The following ARHGAP24 variants were observed in gnomAD, a reference collection of about 807,000 sequenced individuals.
The protein encoded by ARHGAP24 is Rho GTPase activating protein 24.
ARHGAP24 carries 50 observed loss-of-function variants against 76.4 expected under a neutral mutation model. That is an observed-to-expected ratio of 0.65 (90% confidence interval 0.52 to 0.83). The LOEUF (loss-of-function observed/expected upper bound fraction) is 0.83. ARHGAP24 is among the 40% of genes least tolerant of loss of function. ARHGAP24 has a pLI of 0.00. For synonymous variants in ARHGAP24, 345 were observed against 323.3 expected, an observed-to-expected ratio of 1.07 and a Z score of -0.72; for missense variants, 930 against 914.2, an observed-to-expected ratio of 1.02 and a Z score of -0.22.
At chr4:85,797,672 C>T (rs1478818511) in intron 3 of ARHGAP24, among the ~76,000 whole-genome samples, 3 of 152,186 alleles carry the variant, frequency 2.0e-5, no homozygotes, top group Non-Finnish European at 4.4e-5. Flanking sequence ...AAGAATTCAG[C>T]AGAACAAAAT....
intron 3 of ARHGAP24, among the ~76,000 whole-genome samples, chr4:85,880,695 AT>A (rs1023964205): frequency 3.9e-5 from 6 of 152,016 alleles, no homozygotes; most frequent in African/African-American, 1.2e-4. Context: ...CGCCCGGCTA[AT>A]TTTTTGTATT....
intron 3 of ARHGAP24, among the ~76,000 whole-genome samples, chr4:85,783,267 G>A (rs1727647568): frequency 2.6e-5 from 4 of 151,816 alleles, no homozygotes; most frequent in Admixed American, 2.6e-4. Context: ...AGAACACTTT[G>A]AAAAAAAATT....
At chr4:85,561,140 G>C (rs778153496) in intron 1 of ARHGAP24, among the ~76,000 whole-genome samples, 3 of 152,204 alleles carry the variant, frequency 2.0e-5, no homozygotes, top group Non-Finnish European at 4.4e-5. Flanking sequence ...CATGTGATAA[G>C]GGTCATGTCC....
chr4:85,730,544 G>C (rs761756661), intron 3 of ARHGAP24, among the ~76,000 whole-genome samples: 1 of 151,956 alleles, frequency 6.6e-6, no homozygotes, highest in Non-Finnish European at 1.5e-5. Context: ...GTAGTAGCTG[G>C]AACCACAAGT....
chr4:85,509,878 A>C (rs1482893883), intron 1 of ARHGAP24, among the ~76,000 whole-genome samples: 1 of 152,134 alleles, frequency 6.6e-6, no homozygotes, highest in Non-Finnish European at 1.5e-5. Context: ...CTTTTGTATT[A>C]TCGGATGCTG....
intron 3 of ARHGAP24, among the ~76,000 whole-genome samples, chr4:85,855,147 A>G (rs1731481561): frequency 6.6e-6 from 1 of 152,232 alleles, no homozygotes; most frequent in Non-Finnish European, 1.5e-5. Context: ...TCTAATAGTC[A>G]CAATAACCCT....
At chr4:85,672,852 T>G (rs1456084869) in intron 2 of ARHGAP24, among the ~76,000 whole-genome samples, 5 of 152,204 alleles carry the variant, frequency 3.3e-5, no homozygotes, top group Non-Finnish European at 7.4e-5. Context: ...TTATCTCCCC[T>G]GCTGAGTGCT....
chr4:85,707,338 C>A (rs1019813592), intron 2 of ARHGAP24, among the ~76,000 whole-genome samples: 4 of 151,928 alleles, frequency 2.6e-5, no homozygotes, highest in African/African-American at 9.7e-5. Flanking sequence ...CCTGTTTGTG[C>A]TTTTTTTTCC....
intron 3 of ARHGAP24, among the ~76,000 whole-genome samples, chr4:85,757,346 C>T (rs954259320): frequency 6.6e-6 from 1 of 151,476 alleles, no homozygotes; most frequent in Non-Finnish European, 1.5e-5. Flanking sequence ...AGGTATTTCT[C>T]CTAATGCTAT....
intron 3 of ARHGAP24, among the ~76,000 whole-genome samples, chr4:85,832,441 C>T (rs879873360): frequency 2.6e-5 from 4 of 152,142 alleles, no homozygotes; most frequent in Non-Finnish European, 5.9e-5. Context: ...GGGGCAGTCT[C>T]TTCAGGCCCA....
chr4:85,744,094 A>G (rs1228087914), intron 3 of ARHGAP24, among the ~76,000 whole-genome samples: 1 of 152,214 alleles, frequency 6.6e-6, no homozygotes, highest in Non-Finnish European at 1.5e-5. Context: ...CCATTTGTAG[A>G]TGCATCTGTT....
intron 2 of ARHGAP24, among the ~76,000 whole-genome samples, chr4:85,666,470 C>G: frequency 6.6e-6 from 1 of 152,268 alleles, no homozygotes; most frequent in Middle Eastern, 3.4e-3. Context: ...TAATTTTGAT[C>G]GTCTGAAGCC....
At chr4:85,765,701 G>A (rs1401922967) in intron 3 of ARHGAP24, among the ~76,000 whole-genome samples, 2 of 152,016 alleles carry the variant, frequency 1.3e-5, no homozygotes, top group Non-Finnish European at 2.9e-5. Context: ...TAGTAAGAAT[G>A]GATATGAGTG....
chr4:85,944,981 G>A (rs996667552), intron 5 of ARHGAP24, among the ~76,000 whole-genome samples: 21 of 152,092 alleles, frequency 1.4e-4, no homozygotes, highest in Non-Finnish European at 3.1e-4. Context: ...CTGAGTAGCT[G>A]GGCTACAGGC....
At chr4:85,910,938 A>G (rs1735040258) in intron 3 of ARHGAP24, among the ~76,000 whole-genome samples, 1 of 151,380 alleles carries the variant, frequency 6.6e-6, no homozygotes. Context: ...TCTGCCTCCC[A>G]CTGGCTTTCA....
chr4:85,557,752 T>C (rs1330770804), intron 1 of ARHGAP24, among the ~76,000 whole-genome samples: 3 of 152,218 alleles, frequency 2.0e-5, no homozygotes, highest in African/African-American at 7.2e-5. Flanking sequence ...TCTGTAATCA[T>C]TTCCTAGCTT....
chr4:85,777,906 T>A (rs926475272), intron 3 of ARHGAP24, among the ~76,000 whole-genome samples: 3 of 152,164 alleles, frequency 2.0e-5, no homozygotes, highest in African/African-American at 4.8e-5. Context: ...AAGACACCAA[T>A]GAAAATTGTT....
At chr4:85,535,410 G>C (rs1457196261) in intron 1 of ARHGAP24, among the ~76,000 whole-genome samples, 1 of 152,140 alleles carries the variant, frequency 6.6e-6, no homozygotes, top group Non-Finnish European at 1.5e-5. Context: ...TGTAGAAGTT[G>C]GCACTTACAA....
At chr4:85,750,160 T>G (rs1262105928) in intron 3 of ARHGAP24, among the ~76,000 whole-genome samples, 2 of 152,130 alleles carry the variant, frequency 1.3e-5, no homozygotes, top group Admixed American at 1.3e-4. Flanking sequence ...AGCAAATATA[T>G]AAATAATCGT....
Sources: gnomAD v4.1 joint callset for allele counts (sites outside exome capture counted in the v4.1 genomes callset) on GRCh38, gnomAD v4.1.1 for gene constraint, MANE v1.5 for transcripts, NCBI Gene and HGNC (gene_info 2026-07-23, HGNC 2026-07-21) for gene names.